The following THSD7B variants were observed in gnomAD, a reference collection of about 807,000 sequenced individuals.
THSD7B encodes the protein thrombospondin type-1 domain-containing protein 7B.
THSD7B carries 138 observed loss-of-function variants against 213.6 expected under a neutral mutation model. That is an observed-to-expected ratio of 0.65 (90% CI 0.56 to 0.74). The LOEUF (loss-of-function observed/expected upper bound fraction) is 0.74, where lower values mean the gene tolerates loss of function less well. THSD7B is among the 30% of genes least tolerant of loss of function. THSD7B has a pLI of 0.00. For missense variants in THSD7B, 1,931 were observed against 1,991.5 expected (o/e 0.97, Z 0.58); for synonymous variants, 742 against 687.0 (o/e 1.08, Z -1.25).
At chr2:137,357,828 T>C (rs1685168610) in intron 12 of THSD7B, among the ~76,000 whole-genome samples, 1 of 152,270 alleles carries the variant, frequency 6.6e-6, no homozygotes, top group East Asian at 1.9e-4. Flanking sequence ...ATTGTAACCA[T>C]GAGGAAGAGC....
intron 12 of THSD7B, among the ~76,000 whole-genome samples, chr2:137,320,724 G>T (rs1362518323): frequency 1.3e-5 from 2 of 152,234 alleles, no homozygotes; most frequent in Non-Finnish European, 2.9e-5. Flanking sequence ...GGAAAGAGAT[G>T]TGTTCAAATT....
rs537029905 is a variant in THSD7B at position 137,340,991 on chromosome 2, T to G, written c.2501-64622T>G. Among the ~76,000 whole-genome samples, 136 of 150,162 alleles carry G rather than the reference T, an allele frequency of 9.1e-4. 1 individual carries two copies. The highest frequency in any genetic ancestry group is 2.7e-3 in the African/African-American group (113 of 41,162). ...TCTAATTCTCTTTTTGTTTTTTTTT[T>G]TTTTTTTTTGAGGAACCTCCTTACA... On this transcript the variant is annotated intron_variant, in intron 12 of 27. Coordinates refer to ENST00000409968, the MANE Select transcript of THSD7B (RefSeq NM_001316349.2).
chr2:137,353,155 G>A (rs1685050672), intron 12 of THSD7B, among the ~76,000 whole-genome samples: 1 of 152,184 alleles, frequency 6.6e-6, no homozygotes, highest in African/African-American at 2.4e-5. Flanking sequence ...TCAAAAGACA[G>A]GGAGGCAGTG....
intron 3 of THSD7B, among the ~76,000 whole-genome samples, chr2:137,065,906 C>T (rs370527128): frequency 2.0e-5 from 3 of 152,020 alleles, no homozygotes; most frequent in Admixed American, 6.6e-5. Context: ...TTACCAAATA[C>T]ATTGTTGCTA....
At position 137,572,435 on chromosome 2, in the gene THSD7B, G is replaced by A. The variant is rs1681373888; in HGVS notation, c.3302G>A (p.Gly1101Glu). 1.2e-6 allele frequency: 2 copies of A among 1,613,798 alleles called. No homozygotes were observed. The highest frequency in any genetic ancestry group is 1.7e-6 in the Non-Finnish European group (2 of 1,179,860). Residue 1101 changes from glycine (G) to glutamate (E), a missense_variant, in exon 17 of 28, where the codon GGA (glycine) becomes GAA (glutamate). Transcript: ENST00000409968. ...GTGAATACTGCGGATGGTGAAGGTG[G>A]AGCAGTGGATAGCAACCTGTGCAAC... ...RCVNTADGEGGAVDSNLCNQD... is the reference protein window; with the variant it reads ...RCVNTADGEGEAVDSNLCNQD...
chr2:137,376,313 T>C (rs1279052490), intron 12 of THSD7B, among the ~76,000 whole-genome samples: 1 of 152,188 alleles, frequency 6.6e-6, no homozygotes, highest in Non-Finnish European at 1.5e-5. Context: ...AGAATATTAC[T>C]TCTCATACTT....
At chr2:137,118,145 A>C (rs1688478398) in intron 5 of THSD7B, among the ~76,000 whole-genome samples, 2 of 152,324 alleles carry the variant, frequency 1.3e-5, no homozygotes, top group South Asian at 4.1e-4. Context: ...ATTTTGCTTA[A>C]CACTTGTTGT....
At chr2:137,073,394 A>G (rs151088160) in intron 3 of THSD7B, among the ~76,000 whole-genome samples, 142 of 136,560 alleles carry the variant, frequency 1.0e-3, no homozygotes, top group South Asian at 2.0e-3. Context: ...ATTTGTGTAG[A>G]GGTGTTTATA....
chr2:137,617,466 A>G (rs942200263), intron 18 of THSD7B, among the ~76,000 whole-genome samples: 6 of 152,226 alleles, frequency 3.9e-5, no homozygotes, highest in Non-Finnish European at 7.3e-5. Flanking sequence ...CCAAATCTGT[A>G]AAACTTTTTC....
chr2:137,076,887 C>T (rs1316382654), intron 3 of THSD7B, among the ~76,000 whole-genome samples: 2 of 151,960 alleles, frequency 1.3e-5, no homozygotes, highest in African/African-American at 4.8e-5. Context: ...ATATTAGTTA[C>T]ATATGTATAC....
At chr2:136,953,316 C>T (rs891769772) in intron 2 of THSD7B, among the ~76,000 whole-genome samples, 7 of 152,238 alleles carry the variant, frequency 4.6e-5, no homozygotes, top group South Asian at 4.1e-4. Flanking sequence ...CCTTCAAAGA[C>T]ACTGCTGCTT....
At chr2:137,547,883 A>G (rs746443853) in intron 15 of THSD7B, among the ~76,000 whole-genome samples, 1 of 152,054 alleles carries the variant, frequency 6.6e-6, no homozygotes, top group Non-Finnish European at 1.5e-5. Context: ...TCACTGCATG[A>G]TAAGAAAGTC....
intron 20 of THSD7B, among the ~76,000 whole-genome samples, chr2:137,629,071 A>G (rs1013951195): frequency 6.6e-6 from 1 of 152,164 alleles, no homozygotes; most frequent in Admixed American, 6.5e-5. Flanking sequence ...CAGTTGAAAC[A>G]CAGTTATTGG....
chr2:137,648,153 ATTC>A (rs1350678205), intron 21 of THSD7B, among the ~76,000 whole-genome samples: 2 of 152,174 alleles, frequency 1.3e-5, no homozygotes, highest in African/African-American at 2.4e-5. Context: ...AACTTAGTAT[ATTC>A]ATATAATTCG....
At chr2:137,148,984 C>A (rs1025996672) in intron 5 of THSD7B, among the ~76,000 whole-genome samples, 100 of 152,216 alleles carry the variant, frequency 6.6e-4, no homozygotes, top group Non-Finnish European at 1.2e-3. Context: ...TTTGTGGCAG[C>A]CCCTCCCATC....
intron 15 of THSD7B, among the ~76,000 whole-genome samples, chr2:137,525,936 C>T (rs1680268877): frequency 6.6e-6 from 1 of 152,086 alleles, no homozygotes; most frequent in African/African-American, 2.4e-5. Flanking sequence ...TGCCAGCCAG[C>T]CCCTTTCCTC....
chr2:137,425,217 A>G (rs1240958024), intron 14 of THSD7B, among the ~76,000 whole-genome samples: 1 of 151,706 alleles, frequency 6.6e-6, no homozygotes, highest in Admixed American at 6.6e-5. Context: ...ATTTATTTTT[A>G]TTTTTTATTT....
In THSD7B at chr2:137,238,734, T is replaced by C. The variant is rs554419337; in HGVS notation, c.2151-3723T>C. Among the ~76,000 whole-genome samples, 14 of 149,742 alleles carry C rather than the reference T, an allele frequency of 9.3e-5. No homozygotes were observed. The East Asian group carries it at 1.6e-3, about 17-fold the overall frequency. On this transcript the variant is annotated intron_variant, in intron 9 of 27. Transcript: ENST00000409968. ...GCGCCCGGCTAATTTTTTGTATTTT[T>C]AGTAGAGACGGGGTTTCACCTTGTT...
At chr2:136,859,926 A>G (rs769564921) in intron 1 of THSD7B, among the ~76,000 whole-genome samples, 2 of 152,070 alleles carry the variant, frequency 1.3e-5, no homozygotes, top group South Asian at 4.1e-4. Context: ...GAACAGTAAG[A>G]GAAACCAAAT....
Sources: gnomAD v4.1 joint callset for allele counts (sites outside exome capture counted in the v4.1 genomes callset) on GRCh38, gnomAD v4.1.1 for gene constraint, MANE v1.5 for transcripts, NCBI Gene and HGNC (gene_info 2026-07-23, HGNC 2026-07-21) for gene names.